PPM1D: variants seen among roughly 807,000 people sequenced by gnomAD.
PPM1D encodes protein phosphatase, Mg2+/Mn2+ dependent 1D, also known as protein phosphatase 1D.
In PPM1D, 52 loss-of-function variants were observed where a neutral mutation model predicts 58.3. The ratio of observed to expected loss-of-function variants is 0.89; its 90% CI spans 0.71 to 1.12. The LOEUF is 1.12. Ranked by LOEUF, PPM1D falls within the 50% of genes most tolerant of loss-of-function variation. PPM1D has a pLI of 0.00. For synonymous variants in PPM1D, 278 were observed against 285.1 expected, an observed-to-expected ratio of 0.98 and a Z score of 0.25; for missense variants, 564 against 777.2, an observed-to-expected ratio of 0.73 and a Z score of 3.26.
chr17:60,657,898 C>T (rs1316106366), intron 5 of PPM1D, among the ~76,000 whole-genome samples: 1 of 152,124 alleles, frequency 6.6e-6, no homozygotes, highest in Non-Finnish European at 1.5e-5. Context: ...CGCCACTACG[C>T]CCTGCTAATT....
chr17:60,603,799 T>G (rs1245893140), intron 1 of PPM1D, among the ~76,000 whole-genome samples: 1 of 152,172 alleles, frequency 6.6e-6, no homozygotes, highest in Admixed American at 6.5e-5. Context: ...TCATATCCAC[T>G]TCTGCACTCA....
intron 1 of PPM1D, among the ~76,000 whole-genome samples, 184 bp downstream of exon 1, chr17:60,601,070 A>T (rs2030199046): frequency 6.6e-6 from 1 of 152,156 alleles, no homozygotes. Flanking sequence ...GGCCTTGGGG[A>T]AGATAGGATT....
chr17:60,658,792 T>C (rs974192453), intron 5 of PPM1D, among the ~76,000 whole-genome samples: 20 of 151,254 alleles, frequency 1.3e-4, no homozygotes, highest in African/African-American at 4.4e-4. Flanking sequence ...TGAAACCCCA[T>C]CTCTACTAAA....
intron 1 of PPM1D, among the ~76,000 whole-genome samples, chr17:60,603,500 C>G (rs936409411): frequency 1.3e-5 from 2 of 152,302 alleles, no homozygotes; most frequent in Admixed American, 1.3e-4. Context: ...GCCGGGCGCA[C>G]GCCTGTAATC....
At chr17:60,654,863 C>T (rs1312893364) in intron 4 of PPM1D, among the ~76,000 whole-genome samples, 1 of 140,444 alleles carries the variant, frequency 7.1e-6, no homozygotes. Context: ...AGCAAAACTC[C>T]ATCTCAAAAA....
chr17:60,653,212 A>G (rs563393578), intron 4 of PPM1D, among the ~76,000 whole-genome samples: 2 of 152,288 alleles, frequency 1.3e-5, no homozygotes, highest in South Asian at 4.1e-4. Flanking sequence ...TAAGTCATTA[A>G]TCCATTTTGA....
At chr17:60,638,588 C>CG (rs2031070731) in intron 3 of PPM1D, among the ~76,000 whole-genome samples, 1 of 151,996 alleles carries the variant, frequency 6.6e-6, no homozygotes, top group African/African-American at 2.4e-5. Context: ...AGGCTGGTCT[C>CG]GAACTCCTGA....
chr17:60,611,449 A>C (rs2030453260), intron 1 of PPM1D, among the ~76,000 whole-genome samples: 1 of 148,338 alleles, frequency 6.7e-6, no homozygotes, highest in African/African-American at 2.5e-5. Flanking sequence ...TTTTTTTTTG[A>C]GACAGGGTCT....
intron 1 of PPM1D, 124 bp downstream of exon 1, chr17:60,601,010 C>T: frequency 7.2e-7 from 1 of 1,391,660 alleles, no homozygotes; most frequent in Non-Finnish European, 9.7e-7. Context: ...ATGGAAGTGA[C>T]TAAAAGCTGT....
chr17:60,619,040 C>G (rs1031584149), intron 1 of PPM1D, among the ~76,000 whole-genome samples: 45 of 152,332 alleles, frequency 3.0e-4, no homozygotes, highest in African/African-American at 1.0e-3. Context: ...CATCTCCCCA[C>G]TTCTCCTAAC....
chr17:60,656,490 A>T, intron 4 of PPM1D, 109 bp from the exon 5 acceptor site: 1 of 1,345,206 alleles, frequency 7.4e-7, no homozygotes, highest in Non-Finnish European at 1.0e-6. Context: ...AAAAATTGGG[A>T]GCTTTGTTTG....
intron 3 of PPM1D, among the ~76,000 whole-genome samples, chr17:60,644,662 A>G (rs2031200888): frequency 6.6e-6 from 1 of 152,232 alleles, no homozygotes; most frequent in South Asian, 2.1e-4. Context: ...GCAAATAACT[A>G]AAACCAGCTC....
intron 5 of PPM1D, among the ~76,000 whole-genome samples, chr17:60,657,993 G>A (rs753210818): frequency 2.0e-4 from 30 of 152,062 alleles, no homozygotes; most frequent in Non-Finnish European, 4.0e-4. Context: ...CACCCGCATC[G>A]GCCTCCCAAA....
In PPM1D at chr17:60,665,070, C is replaced by A. The variant is rs1261236498; in HGVS notation, c.*1518C>A. ...CCCTGCAACCTCTGCCTTCTGGGTT[C>A]CTGCGATTCTCCTGCCTCAGCCTCC... is the stretch of plus-strand genomic sequence containing the variant. On this transcript the variant is annotated 3_prime_UTR_variant, in exon 6 of 6. Coordinates refer to ENST00000305921, the MANE Select transcript of PPM1D (RefSeq NM_003620.4). The A allele has an allele frequency of 2.0e-5, 3 of 151,494 alleles. No individual in the cohort carries two copies. Among genetic ancestry groups the A allele is most frequent in the African/African-American group, 7.3e-5 (3 of 41,090 alleles). The allele number at this position is 151,494 out of a possible 1,614,324, so 9.4% of individuals were successfully genotyped here. A position where few individuals can be genotyped will look rare whatever the true frequency, so the allele number is the denominator to read the frequency against.
intron 3 of PPM1D, among the ~76,000 whole-genome samples, chr17:60,645,608 G>A (rs1258537676): frequency 3.8e-5 from 5 of 133,134 alleles, no homozygotes; most frequent in East Asian, 2.1e-4. Flanking sequence ...GTATATATAT[G>A]TGTGTATATA....
At chr17:60,604,252 T>C (rs1226472821) in intron 1 of PPM1D, among the ~76,000 whole-genome samples, 1 of 152,252 alleles carries the variant, frequency 6.6e-6, no homozygotes, top group Non-Finnish European at 1.5e-5. Context: ...AGCTATCTAG[T>C]TCACTGTTGT....
intron 4 of PPM1D, among the ~76,000 whole-genome samples, chr17:60,653,433 C>T (rs1598412446): frequency 1.3e-5 from 2 of 152,294 alleles, no homozygotes; most frequent in Non-Finnish European, 2.9e-5. Context: ...ATTTTGGTTA[C>T]TGTAGCCCTC....
intron 4 of PPM1D, among the ~76,000 whole-genome samples, chr17:60,655,276 A>AT (rs911143011): frequency 5.9e-5 from 9 of 151,486 alleles, no homozygotes; most frequent in Admixed American, 3.9e-4. Flanking sequence ...CTTTGCAATG[A>AT]TTTTTTTTTG....
intron 4 of PPM1D, among the ~76,000 whole-genome samples, chr17:60,653,868 G>A (rs1368266744): frequency 6.6e-6 from 1 of 152,044 alleles, no homozygotes; most frequent in African/African-American, 2.4e-5. Flanking sequence ...GCTGATTTTT[G>A]TATGTTCATC....
Sources: gnomAD v4.1 joint callset for allele counts (sites outside exome capture counted in the v4.1 genomes callset) on GRCh38, gnomAD v4.1.1 for gene constraint, MANE v1.5 for transcripts, NCBI Gene and HGNC (gene_info 2026-07-23, HGNC 2026-07-21) for gene names.